RASGRP4: variants seen among roughly 807,000 people sequenced by gnomAD.
RASGRP4 encodes the protein RAS guanyl-releasing protein 4.
In RASGRP4, 52 loss-of-function variants were observed where a neutral mutation model predicts 84.4. The ratio of observed to expected loss-of-function variants is 0.62; its 90% CI spans 0.49 to 0.78. The LOEUF is 0.78. Among genes scored for constraint, RASGRP4 ranks in the 30% least tolerant of loss-of-function variants. The pLI is 0.00. For missense variants in RASGRP4, 760 were observed against 886.9 expected (o/e 0.86, Z 1.82); for synonymous variants, 356 against 359.1 (o/e 0.99, Z 0.10).
chr19:38,421,106 G>A lies in RASGRP4; in HGVS notation c.303C>T (p.Arg101=). 1 of 1,613,744 alleles carries A rather than the reference G, an allele frequency of 6.2e-7. No individual in the cohort carries two copies. ...WVLPSADLAA[R]LLTSYQKATG... ...GTCCTGGAGGATATGAGGTCAGCAG[G>A]CGGGCAGCCAGGTCGGCGGACGGCA... Residue 101 remains arginine (R), a synonymous_variant, in exon 3 of 17, where the codon CGC becomes CGT. Coordinates refer to ENST00000615439, the MANE Select transcript of RASGRP4 (RefSeq NM_170604.3).
chr19:38,416,302 A>G (rs1971496377), intron 8 of RASGRP4, among the ~76,000 whole-genome samples: 1 of 151,454 alleles, frequency 6.6e-6, no homozygotes, highest in Non-Finnish European at 1.5e-5. Flanking sequence ...TGTCTCTACT[A>G]AAAATACAAA....
chr19:38,422,180 T>A, intron 1 of RASGRP4, 27 bp from the exon 2 acceptor site: 1 of 1,582,894 alleles, frequency 6.3e-7, no homozygotes, highest in Non-Finnish European at 8.6e-7. Flanking sequence ...CAAGGAGTCA[T>A]GGGAGCACCT....
chr19:38,410,187 G>T, intron 16 of RASGRP4, 91 bp from the exon 17 acceptor site: 1 of 966,250 alleles, frequency 1.0e-6, no homozygotes, highest in Non-Finnish European at 1.6e-6. Context: ...ACACTTCCCT[G>T]CCCAGACTGG....
At chr19:38,424,102 A>G (rs10413428) in intron 1 of RASGRP4, among the ~76,000 whole-genome samples, 2,080 of 152,034 alleles carry the variant, frequency 0.014, 34 homozygotes, top group African/African-American at 0.047. Context: ...GACCTTCTCC[A>G]GGGATTTCTT....
chr19:38,412,198 A>G lies in RASGRP4; in HGVS notation c.1680+474T>C, dbSNP rs986963591. 1.3e-5 allele frequency among the ~76,000 whole-genome samples: 2 copies of G among 148,174 alleles called. No homozygotes were observed. The highest frequency in any genetic ancestry group is 3.0e-5 in the Non-Finnish European group (2 of 66,934). On this transcript the variant is annotated intron_variant, in intron 13 of 16. Transcript: ENST00000615439. The surrounding 1 kb of genome is among the most constrained non-coding windows in gnomAD (Gnocchi z 4.6). ...CAGTGCTGCGATCTTGGCTCATGCAACCTCCACCTCCTGGGTTCAAGCAAT... is the reference window on the plus strand; with the variant it reads ...CAGTGCTGCGATCTTGGCTCATGCAGCCTCCACCTCCTGGGTTCAAGCAAT...
Position 38,411,224 on chromosome 19 carries a change from G to A in RASGRP4, c.1743C>T (p.His581=). ...CRECGLCCHK[H]CRDQVKVECK... ...ATTCTACCTTCACCTGGTCTCTGCAGTGTTTGTGGCAACACAGCCCGCACT... is the reference window on the plus strand; with the variant it reads ...ATTCTACCTTCACCTGGTCTCTGCAATGTTTGTGGCAACACAGCCCGCACT... Residue 581 remains histidine, a synonymous_variant, in exon 15 of 17, where the codon CAC becomes CAT. Coordinates refer to ENST00000615439, the MANE Select transcript of RASGRP4 (RefSeq NM_170604.3). 1 of 1,614,000 alleles carries A rather than the reference G, an allele frequency of 6.2e-7. No individual in the cohort carries two copies. The highest frequency in any genetic ancestry group is 1.1e-5 in the South Asian group (1 of 91,088).
chr19:38,413,395 A>G lies in RASGRP4; in HGVS notation c.1310T>C (p.Leu437Pro), dbSNP rs1272309550. The G allele has an allele frequency of 1.2e-6, 2 of 1,609,400 alleles. No individual in the cohort carries two copies. The highest frequency in any genetic ancestry group is 1.1e-5 in the South Asian group (1 of 90,218). ...YAREPRCPKS[L>P]PPSPFNAPLV... is the part of the protein sequence containing the mutation. ...CCGAGGCCAGGGGTTGGGTCTCACCAGGCTCTTGGGACAACGCGGCTCCCG... is the reference window on the plus strand; with the variant it reads ...CCGAGGCCAGGGGTTGGGTCTCACCGGGCTCTTGGGACAACGCGGCTCCCG... Residue 437 changes from leucine to proline, a missense_variant and splice_region_variant, in exon 10 of 17, where the codon CTG (leucine) becomes CCG (proline). Leu to Pro is a moderately conservative substitution (Grantham distance 98). Coordinates refer to ENST00000615439, the MANE Select transcript of RASGRP4 (RefSeq NM_170604.3). The surrounding 1 kb of genome is among the most constrained non-coding windows in gnomAD (Gnocchi z 4.7).
chr19:38,420,997 C>G (rs758122332), intron 3 of RASGRP4, 27 bp from the exon 4 acceptor site: 1 of 1,613,228 alleles, frequency 6.2e-7, no homozygotes, highest in Non-Finnish European at 8.5e-7. Context: ...GCTCTGTTTT[C>G]CAGGATCCAT....
Position 38,412,593 on chromosome 19 carries a change from T to C in RASGRP4, c.1680+79A>G. On this transcript the variant is annotated intron_variant, in intron 13 of 16. Transcript: ENST00000615439. The surrounding 1 kb of genome is among the most constrained non-coding windows in gnomAD (Gnocchi z 4.6). ...TTGAAGCTGGAGGATTTCTGGAATT[T>C]GGGGGTTATCTGGGGTTTGCGGACT... 7.3e-7 allele frequency: 1 copy of C among 1,364,504 alleles called. No individual in the cohort carries two copies. The highest frequency in any genetic ancestry group is 1.0e-6 in the Non-Finnish European group (1 of 995,544). The allele number at this position is 1,364,504 out of a possible 1,614,324, so 84.5% of individuals were successfully genotyped here. A position where few individuals can be genotyped will look rare whatever the true frequency, so the allele number is the denominator to read the frequency against.
At chr19:38,425,919 C>T (rs1021734695) in intron 1 of RASGRP4, 150 bp downstream of exon 1, 5 of 527,274 alleles carry the variant, frequency 9.5e-6, no homozygotes. Context: ...GTAGCTGGCT[C>T]CAGACTCCCT....
At chr19:38,423,486 A>G (rs1971848773) in intron 1 of RASGRP4, among the ~76,000 whole-genome samples, 1 of 151,396 alleles carries the variant, frequency 6.6e-6, no homozygotes, top group Admixed American at 6.6e-5. Flanking sequence ...GAACTGCATC[A>G]CTGTGCTCCA....
At chr19:38,419,051 ACT>A (rs1971625159) in intron 6 of RASGRP4, among the ~76,000 whole-genome samples, 1 of 152,148 alleles carries the variant, frequency 6.6e-6, no homozygotes, top group African/African-American at 2.4e-5. Flanking sequence ...CATCCACTAC[ACT>A]GAGTATATTT....
Position 38,410,113 on chromosome 19 carries a change from A to G in RASGRP4, c.1966-17T>C, listed in dbSNP as rs1166622376. ...GCAGGGGACCTGGAAGGAGGAAGGG[A>G]GGAAGAAAGATGACAGATGATGTGG... On this transcript the variant is annotated splice_polypyrimidine_tract_variant and intron_variant, in intron 16 of 16. Transcript: ENST00000615439. 1.2e-6 allele frequency: 2 copies of G among 1,606,146 alleles called. No homozygotes were observed. Among genetic ancestry groups the G allele is most frequent in the Admixed American group, 3.4e-5 (2 of 59,552 alleles).
At chr19:38,416,507 C>T (rs1006766012) in intron 8 of RASGRP4, among the ~76,000 whole-genome samples, 2 of 149,262 alleles carry the variant, frequency 1.3e-5, no homozygotes, top group Non-Finnish European at 3.0e-5. Context: ...GAGATGGGGT[C>T]TCGCTATGTT....
At chr19:38,419,740 C>G (rs1971653659) in intron 6 of RASGRP4, 120 bp downstream of exon 6, 1 of 1,053,012 alleles carries the variant, frequency 9.5e-7, no homozygotes, top group African/African-American at 1.6e-5. Context: ...GAGTTTAAGA[C>G]TTTGAGATCT....
chr19:38,413,237 G>A lies in RASGRP4; in HGVS notation c.1372C>T (p.Pro458Ser). The A allele has an allele frequency of 6.2e-7, 1 of 1,613,784 alleles. No individual in the cohort carries two copies. Among genetic ancestry groups the A allele is most frequent in the Non-Finnish European group, 8.5e-7 (1 of 1,179,870 alleles). The change falls in exon 11 of 17, where the codon CCG (proline) becomes TCG (serine). Residue 458 changes from proline (P) to serine (S), a missense_variant. Transcript: ENST00000615439. This position sits in a 1 kb window ranked among gnomAD's most constrained non-coding sequence, Gnocchi z 4.7. ...VEWAPGVTPK[P>S]DRVTLGRHVE... ...TGCCGACCCAGTGTGACCCTGTCCGGCTTGGGTGTCACACCAGGGGCCCAC... is the reference window on the plus strand; with the variant it reads ...TGCCGACCCAGTGTGACCCTGTCCGACTTGGGTGTCACACCAGGGGCCCAC...
intron 13 of RASGRP4, chr19:38,411,700 A>T (rs1301636301): frequency 8.3e-6 from 2 of 240,708 alleles, no homozygotes; most frequent in Non-Finnish European, 1.6e-5. Context: ...CTCTTAACAA[A>T]ATAAATAAAG....
Position 38,418,488 on chromosome 19 carries a change from C to A in RASGRP4, c.740G>T (p.Ser247Ile). The A allele has an allele frequency of 6.4e-7, 1 of 1,572,424 alleles. No homozygotes were observed. Among genetic ancestry groups the A allele is most frequent in the Admixed American group, 1.9e-5 (1 of 53,680 alleles). Residue 247 changes from serine to isoleucine, a missense_variant, in exon 7 of 17, where the codon AGC (serine) becomes ATC (isoleucine). Coordinates refer to ENST00000615439, the MANE Select transcript of RASGRP4 (RefSeq NM_170604.3). The surrounding 1 kb of genome is among the most constrained non-coding windows in gnomAD (Gnocchi z 4.6). ...CTGCACCCAGCGGGACACGCTGTTG[C>A]TGAGACCTACGGAGCCCTCCAGGGC... Reference protein sequence around the residue: ...CPALEGSVGLSNSVSRWVQVM... With the variant: ...CPALEGSVGLINSVSRWVQVM...
At chr19:38,419,741 T>C in intron 6 of RASGRP4, 119 bp downstream of exon 6, 1 of 1,059,632 alleles carries the variant, frequency 9.4e-7, no homozygotes, top group Admixed American at 2.6e-5. Context: ...AGTTTAAGAC[T>C]TTGAGATCTC....
Sources: allele counts gnomAD v4.1 joint callset (sites outside exome capture counted in the v4.1 genomes callset), GRCh38; gene constraint gnomAD v4.1.1; non-coding constraint Gnocchi (gnomAD v3.1); transcripts MANE v1.5; gene names NCBI Gene and HGNC (gene_info 2026-07-23, HGNC 2026-07-21).